GEMIN4: variants seen among roughly 807,000 people sequenced by gnomAD.
GEMIN4 encodes the protein gem nuclear organelle associated protein 4.
Under a neutral mutation model 76.8 loss-of-function variants are expected in GEMIN4, and 59 were observed. That is an observed-to-expected ratio of 0.77 (90% CI 0.62 to 0.95). The LOEUF (loss-of-function observed/expected upper bound fraction) is 0.95, where lower values mean the gene tolerates loss of function less well. Among genes scored for constraint, GEMIN4 ranks in the 40% least tolerant of loss-of-function variants. The pLI, the probability that GEMIN4 is intolerant of heterozygous loss-of-function variation, is 0.00. For synonymous variants in GEMIN4, 562 were observed against 559.7 expected (o/e 1.00, Z -0.06); for missense variants, 1,311 against 1,318.9 (o/e 0.99, Z 0.09).
chr17:746,727 G>A lies in GEMIN4; in HGVS notation c.1316C>T (p.Ala439Val), dbSNP rs766036776. 2.2e-5 allele frequency: 35 copies of A among 1,613,542 alleles called. No homozygotes were observed. The Admixed American group carries it at 3.5e-4, about 16-fold the overall frequency. Residue 439 changes from alanine (A) to valine (V), a missense_variant, in exon 2 of 2, where the codon GCC becomes GTC. Ala to Val is a moderately conservative substitution (Grantham distance 64, BLOSUM62 0). Around this residue, in one of 2 missense-constraint regions of GEMIN4, gnomAD observed 1,208 missense variants for 1,166.9 expected, o/e 1.04. Coordinates refer to ENST00000319004, the MANE Select transcript of GEMIN4 (RefSeq NM_015721.3). This position sits in a 1 kb window ranked among gnomAD's most constrained non-coding sequence, Gnocchi z 4.3. ...KKWAFSDEWV[A>V]CLGSNRALFR... ...GAGGGCCCTGTTACTCCCCAGGCAG[G>A]CTACCCACTCGTCCGAGAAGGCCCA...
Position 746,005 on chromosome 17 carries a change from C to T in GEMIN4, c.2038G>A (p.Ala680Thr), listed in dbSNP as rs368959543. Residue 680 changes from alanine to threonine, a missense_variant, in exon 2 of 2, where the codon GCA becomes ACA. Ala to Thr is a moderately conservative substitution (Grantham distance 58). Transcript: ENST00000319004. This position sits in a 1 kb window ranked among gnomAD's most constrained non-coding sequence, Gnocchi z 4.3. ...CAGTATTCCTCTCGGCACGCGTTTG[C>T]CTCTAGAGTCTGGATGAAGATCCTC... ...SLRIFIQTLEANACREEYWLQ... is the reference protein window; with the variant it reads ...SLRIFIQTLETNACREEYWLQ... 1.1e-5 allele frequency: 17 copies of T among 1,613,494 alleles called. No homozygotes were observed. The highest frequency in any genetic ancestry group is 1.7e-5 in the Admixed American group (1 of 59,990).
Position 747,222 on chromosome 17 carries a change from G to C in GEMIN4, c.821C>G (p.Ser274Cys), listed in dbSNP as rs974514407. ...ATTCTGGGTGTCCGAGTTCCACACA[G>C]AGATCACCGTGGCCAGTTTGTCCAG... The part of the protein sequence containing the change: ...VYLDKLATVI[S>C]VWNSDTQNPY... Residue 274 changes from serine (S) to cysteine (C), a missense_variant, in exon 2 of 2, where the codon TCT becomes TGT. By Grantham distance (112) the Ser-to-Cys change is moderately radical. Coordinates refer to ENST00000319004, the MANE Select transcript of GEMIN4 (RefSeq NM_015721.3). 12 of 1,613,740 alleles carry C rather than the reference G, an allele frequency of 7.4e-6. No individual in the cohort carries two copies. The Admixed American group carries it at 1.0e-4, about 13-fold the overall frequency.
chr17:751,949 G>A (rs1050141399), intron 1 of GEMIN4, 184 bp downstream of exon 1: 2 of 394,882 alleles, frequency 5.1e-6, no homozygotes, highest in Non-Finnish European at 8.8e-6. Flanking sequence ...GGCCCAACGC[G>A]CGGCGGGACC....
chr17:752,227 G>C lies in GEMIN4; in HGVS notation c.-85C>G. The C allele has an allele frequency of 8.1e-7, 1 of 1,229,166 alleles. No homozygotes were observed. The highest frequency in any genetic ancestry group is 1.0e-6 in the Non-Finnish European group (1 of 985,688). The allele number at this position is 1,229,166 out of a possible 1,614,324, so 76.1% of individuals were successfully genotyped here. Reference sequence around the variant, plus strand: ...CGGCGCGGGACGCACGGCACGATGGGAGACGCAGGAGCCACGGCGGCCGCG... The same window carrying C: ...CGGCGCGGGACGCACGGCACGATGGCAGACGCAGGAGCCACGGCGGCCGCG... On this transcript the variant is annotated 5_prime_UTR_variant, in exon 1 of 2. Transcript: ENST00000319004.
In GEMIN4 at chr17:747,209, C is replaced by T. The variant is rs1005122571; in HGVS notation, c.834G>A (p.Ser278=). The change falls in exon 2 of 2, where the codon TCG becomes TCA. Residue 278 remains serine (S), a synonymous_variant. Coordinates refer to ENST00000319004, the MANE Select transcript of GEMIN4 (RefSeq NM_015721.3). The part of the protein sequence containing the change: ...KLATVISVWN[S]DTQNPYHQQA... ...GCTGGTGGTAGGGATTCTGGGTGTC[C>T]GAGTTCCACACAGAGATCACCGTGG... 10 of 1,613,690 alleles carry T rather than the reference C, an allele frequency of 6.2e-6. No homozygotes were observed. Among genetic ancestry groups the T allele is most frequent in the East Asian group, 4.5e-5 (2 of 44,890 alleles).
In GEMIN4 at chr17:747,504, G is replaced by A. The variant is rs773066562; in HGVS notation, c.539C>T (p.Ser180Phe). ...HKGHPQDPLL[S>F]QFSAMAHKYL... ...CTTATGGGCCATTGCACTAAACTGG[G>A]AGAGCAGGGGGTCCTGCGGGTGACC... Residue 180 changes from serine to phenylalanine, a missense_variant, in exon 2 of 2, where the codon TCC (serine) becomes TTC (phenylalanine). This residue lies in a region of GEMIN4 where 1,208 missense variants were observed against 1,166.9 expected (regional missense o/e 1.04). Transcript: ENST00000319004. 23 of 1,613,720 alleles carry A rather than the reference G, an allele frequency of 1.4e-5. No individual in the cohort carries two copies. The African/African-American group carries it at 3.1e-4, about 22-fold the overall frequency.
rs1974457528 is a variant in GEMIN4 at position 747,114 on chromosome 17, C to A, written c.929G>T (p.Ser310Ile). 1 of 1,613,802 alleles carries A rather than the reference C, an allele frequency of 6.2e-7. No homozygotes were observed. The highest frequency in any genetic ancestry group is 8.5e-7 in the Non-Finnish European group (1 of 1,179,884). ...CTCGCAGCCCACGAAAATGGTCTCA[C>A]TGGGGAGTTTGGCCAGCGAGGTCAG... is the stretch of plus-strand genomic sequence containing the variant. ...VSLTSLAKLP[S>I]ETIFVGCEFL... is the part of the protein sequence containing the mutation. The change falls in exon 2 of 2, where the codon AGT becomes ATT. Residue 310 changes from serine to isoleucine, a missense_variant. This residue lies in a region of GEMIN4 where 1,208 missense variants were observed against 1,166.9 expected (regional missense o/e 1.04). Transcript: ENST00000319004.
chr17:746,900 C>G lies in GEMIN4; in HGVS notation c.1143G>C (p.Glu381Asp). The G allele has an allele frequency of 6.2e-7, 1 of 1,613,736 alleles. No individual in the cohort carries two copies. The highest frequency in any genetic ancestry group is 2.2e-5 in the East Asian group (1 of 44,892). The change falls in exon 2 of 2, where the codon GAG becomes GAC. Residue 381 changes from glutamate (E) to aspartate (D), a missense_variant. Coordinates refer to ENST00000319004, the MANE Select transcript of GEMIN4 (RefSeq NM_015721.3). This position sits in a 1 kb window ranked among gnomAD's most constrained non-coding sequence, Gnocchi z 4.3. ...TTTTCCTCAGGAAGTCCCTGACACA[C>G]TCCGCCAGCTCAGAGACCACCTGCC... is the stretch of plus-strand genomic sequence containing the variant. ...EDRQVVSELA[E>D]CVRDFLRKTS...
rs551886817 is a variant in GEMIN4, at chr17:748,689, G to T, written c.11-657C>A. ...CACAGAGCAATCACACAGCCACAGGGTAACAGGCACAGCAGCAATCACACG... is the reference window on the plus strand; with the variant it reads ...CACAGAGCAATCACACAGCCACAGGTTAACAGGCACAGCAGCAATCACACG... On this transcript the variant is annotated intron_variant, in intron 1 of 1. Transcript: ENST00000319004. 25 of 230,864 alleles carry T rather than the reference G, an allele frequency of 1.1e-4. No individual in the cohort carries two copies. The South Asian group carries it at 1.1e-3, about 10-fold the overall frequency. The allele number at this position is 230,864 out of a possible 1,614,324, so 14.3% of individuals were successfully genotyped here.
rs773775674 is a variant in GEMIN4, at chr17:747,266, C to T, written c.777G>A (p.Glu259=). Residue 259 remains glutamate (E), a synonymous_variant, in exon 2 of 2, where the codon GAG becomes GAA. Transcript: ENST00000319004. ...VFALTEDDPQ[E]VSATVYLDKL... Reference sequence around the variant, plus strand: ...TGTCCAGATACACGGTTGCAGACACCTCCTGGGGGTCGTCCTCTGTCAGCG... The same window carrying T: ...TGTCCAGATACACGGTTGCAGACACTTCCTGGGGGTCGTCCTCTGTCAGCG... 2 of 1,613,770 alleles carry T rather than the reference C, an allele frequency of 1.2e-6. No homozygotes were observed. The highest frequency in any genetic ancestry group is 8.5e-7 in the Non-Finnish European group (1 of 1,179,858).
Position 748,014 on chromosome 17 carries a change from TCA to T in GEMIN4, c.27_28del (p.Cys9Ter), listed in dbSNP as rs1904368007. On this transcript the variant is annotated stop_gained and frameshift_variant, in exon 2 of 2. Transcript: ENST00000319004. LOFTEE classifies it high-confidence loss of function. ...GCCTCCATGCAGAATAGTCATTTCT[TCA>T]CAGATGTTCAAGGGTCCTGCACACA... is the stretch of plus-strand genomic sequence containing the variant. The T allele has an allele frequency of 1.2e-6, 2 of 1,606,278 alleles. No individual in the cohort carries two copies. Among genetic ancestry groups the T allele is most frequent in the Non-Finnish European group, 1.7e-6 (2 of 1,176,472 alleles).
Position 746,260 on chromosome 17 carries a change from C to A in GEMIN4, c.1783G>T (p.Gly595Cys), listed in dbSNP as rs1272105877. Residue 595 changes from glycine (G) to cysteine (C), a missense_variant, in exon 2 of 2, where the codon GGT (glycine) becomes TGT (cysteine). Physicochemically the swap from Gly to Cys is radical, Grantham distance 159 (BLOSUM62 -3). Around this residue, in one of 2 missense-constraint regions of GEMIN4, gnomAD observed 1,208 missense variants for 1,166.9 expected, o/e 1.04. Coordinates refer to ENST00000319004, the MANE Select transcript of GEMIN4 (RefSeq NM_015721.3). This position sits in a 1 kb window ranked among gnomAD's most constrained non-coding sequence, Gnocchi z 4.3. ...FPALRFVEEQ[G>C]PNSSATFMVS... ...ATGAAAGTGGCAGATGAATTGGGAC[C>A]CTGCTCTTCCACAAACCTAAGGGCA... is the stretch of plus-strand genomic sequence containing the variant. The A allele has an allele frequency of 1.9e-6, 3 of 1,613,738 alleles. No homozygotes were observed. The African/African-American group carries it at 4.0e-5, about 22-fold the overall frequency.
Position 747,581 on chromosome 17 carries a change from G to T in GEMIN4, c.462C>A (p.Ala154=). ...FLEHVTVDTS[A]EDVAFFLDVW... Reference sequence around the variant, plus strand: ...CGTCCAGGAAGAAGGCCACGTCTTCGGCAGAAGTGTCAACGGTCACATGTT... The same window carrying T: ...CGTCCAGGAAGAAGGCCACGTCTTCTGCAGAAGTGTCAACGGTCACATGTT... Residue 154 remains alanine, a synonymous_variant, in exon 2 of 2, where the codon GCC becomes GCA. Transcript: ENST00000319004. 6.2e-7 allele frequency: 1 copy of T among 1,613,860 alleles called. No individual in the cohort carries two copies.
rs768202506 is a variant in GEMIN4, at chr17:744,834, CGCCATGTTGGGGCCCA to C, written c.*16_*31del. The C allele has an allele frequency of 1.3e-6, 2 of 1,579,616 alleles. No homozygotes were observed. The highest frequency in any genetic ancestry group is 1.7e-6 in the Non-Finnish European group (2 of 1,165,656). On this transcript the variant is annotated 3_prime_UTR_variant, in exon 2 of 2. Coordinates refer to ENST00000319004, the MANE Select transcript of GEMIN4 (RefSeq NM_015721.3). ...AGAAGCTGCTGATCTTCTGCAGACC[CGCCATGTTGGGGCCCA>C]GCTCCCCACGCCAAGTCAGAAGCTG...
rs375603122 is a variant in GEMIN4 at position 744,816 on chromosome 17, G to A, written c.*50C>T. ...TTCGCTCCCGCACAGGTAAGAAGCTGCTGATCTTCTGCAGACCCGCCATGT... is the reference window on the plus strand; with the variant it reads ...TTCGCTCCCGCACAGGTAAGAAGCTACTGATCTTCTGCAGACCCGCCATGT... On this transcript the variant is annotated 3_prime_UTR_variant, in exon 2 of 2. Coordinates refer to ENST00000319004, the MANE Select transcript of GEMIN4 (RefSeq NM_015721.3). 2 of 1,552,580 alleles carry A rather than the reference G, an allele frequency of 1.3e-6. No individual in the cohort carries two copies. Among genetic ancestry groups the A allele is most frequent in the Non-Finnish European group, 8.7e-7 (1 of 1,154,082 alleles).
chr17:750,774 G>A (rs903640101), intron 1 of GEMIN4, among the ~76,000 whole-genome samples: 3 of 152,158 alleles, frequency 2.0e-5, no homozygotes, highest in Admixed American at 6.5e-5. Flanking sequence ...TATGGGAGCG[G>A]CAGCAGGCCA....
Position 746,704 on chromosome 17 carries a change from G to C in GEMIN4, c.1339C>G (p.Leu447Val), listed in dbSNP as rs1182469106. ...AACACCAAGTCTGGCTGTCGGAAGA[G>C]GGCCCTGTTACTCCCCAGGCAGGCT... ...WVACLGSNRA[L>V]FRQPDLVLRL... Residue 447 changes from leucine (L) to valine (V), a missense_variant, in exon 2 of 2, where the codon CTC (leucine) becomes GTC (valine). This residue lies in a region of GEMIN4 where 1,208 missense variants were observed against 1,166.9 expected (regional missense o/e 1.04). Coordinates refer to ENST00000319004, the MANE Select transcript of GEMIN4 (RefSeq NM_015721.3). The surrounding 1 kb of genome is among the most constrained non-coding windows in gnomAD (Gnocchi z 4.3). The C allele has an allele frequency of 6.2e-7, 1 of 1,613,602 alleles. No individual in the cohort carries two copies. Among genetic ancestry groups the C allele is most frequent in the South Asian group, 1.1e-5 (1 of 91,084 alleles).
Position 746,647 on chromosome 17 carries a change from TGCTGACGTCTATCACTGTTTCCAGCA to T in GEMIN4, c.1370_1395del (p.Leu457HisfsTer3). 6.2e-7 allele frequency: 1 copy of T among 1,613,526 alleles called. No homozygotes were observed. The highest frequency in any genetic ancestry group is 1.6e-4 in the Middle Eastern group (1 of 6,062). ...GACTCAGGGATGGCTCTGTCAGCTGTGCTGACGTCTATCACTGTTTCCAGCAGCCTCAACACCAAGTCTGGCTGTCG... is the reference window on the plus strand; with the variant it reads ...GACTCAGGGATGGCTCTGTCAGCTGTGCCTCAACACCAAGTCTGGCTGTCG... On this transcript the variant is annotated frameshift_variant, in exon 2 of 2. Transcript: ENST00000319004. LOFTEE classifies it high-confidence loss of function. This position sits in a 1 kb window ranked among gnomAD's most constrained non-coding sequence, Gnocchi z 4.3.
At position 746,694 on chromosome 17, in the gene GEMIN4, T is replaced by C; in HGVS notation, c.1349A>G (p.Gln450Arg). 1 of 1,613,526 alleles carries C rather than the reference T, an allele frequency of 6.2e-7. No homozygotes were observed. The highest frequency in any genetic ancestry group is 2.2e-5 in the East Asian group (1 of 44,860). The change falls in exon 2 of 2, where the codon CAG (glutamine) becomes CGG (arginine). Residue 450 changes from glutamine (Q) to arginine (R), a missense_variant. Gln to Arg is a conservative substitution (Grantham distance 43, BLOSUM62 1). This residue lies in a region of GEMIN4 where 1,208 missense variants were observed against 1,166.9 expected (regional missense o/e 1.04). Coordinates refer to ENST00000319004, the MANE Select transcript of GEMIN4 (RefSeq NM_015721.3). The surrounding 1 kb of genome is among the most constrained non-coding windows in gnomAD (Gnocchi z 4.3). ...CAGCAGCCTCAACACCAAGTCTGGCTGTCGGAAGAGGGCCCTGTTACTCCC... is the reference window on the plus strand; with the variant it reads ...CAGCAGCCTCAACACCAAGTCTGGCCGTCGGAAGAGGGCCCTGTTACTCCC... Reference protein sequence around the residue: ...CLGSNRALFRQPDLVLRLLET... With the variant: ...CLGSNRALFRRPDLVLRLLET...
Sources: allele counts gnomAD v4.1 joint callset (sites outside exome capture counted in the v4.1 genomes callset), GRCh38; gene constraint gnomAD v4.1.1; regional missense constraint gnomAD v4.1.1; non-coding constraint Gnocchi (gnomAD v3.1); transcripts MANE v1.5; gene names NCBI Gene and HGNC (gene_info 2026-07-23, HGNC 2026-07-21).